SYT1: variants seen among roughly 807,000 people sequenced by gnomAD.
SYT1 encodes synaptotagmin-1.
A neutral mutation model predicts 44.8 loss-of-function variants in SYT1; 8 were observed. That is an observed-to-expected ratio of 0.18 (90% CI 0.10 to 0.32). SYT1 has a LOEUF of 0.32. Among genes scored for constraint, SYT1 ranks in the 10% least tolerant of loss-of-function variants. SYT1 has a pLI of 1.00. For missense variants in SYT1, 286 were observed against 509.3 expected (o/e 0.56, Z 4.22); for synonymous variants, 154 against 188.8 (o/e 0.82, Z 1.51).
At chr12:79,245,652 C>A (rs1876808235) in intron 4 of SYT1, among the ~76,000 whole-genome samples, 1 of 151,820 alleles carries the variant, frequency 6.6e-6, no homozygotes, top group Non-Finnish European at 1.5e-5. Context: ...AATTCTGAGA[C>A]CAAAGCAAGC....
chr12:79,215,474 T>C (rs928148197), intron 3 of SYT1, among the ~76,000 whole-genome samples: 1 of 152,182 alleles, frequency 6.6e-6, no homozygotes, highest in Non-Finnish European at 1.5e-5. Context: ...TGAGCCGATA[T>C]CTGTCCAATT....
intron 1 of SYT1, among the ~76,000 whole-genome samples, chr12:78,925,621 CCATCCTCCCTTTCTT>C (rs1877261026): frequency 6.6e-6 from 1 of 151,814 alleles, no homozygotes; most frequent in Non-Finnish European, 1.5e-5. Flanking sequence ...AGGTGTAAGT[CCATCCTCCCTTTCTT>C]CATAGAGCAG....
chr12:79,255,798 G>T (rs979718078), intron 4 of SYT1, among the ~76,000 whole-genome samples: 1 of 152,130 alleles, frequency 6.6e-6, no homozygotes, highest in African/African-American at 2.4e-5. Flanking sequence ...AGAGAGTTTT[G>T]GGTCTACTGA....
chr12:79,131,117 C>CTT (rs1340604236), intron 3 of SYT1, among the ~76,000 whole-genome samples: 1 of 138,792 alleles, frequency 7.2e-6, no homozygotes. Flanking sequence ...TGTGTGTTTT[C>CTT]TTTTTTTTTT....
chr12:79,052,580 T>C (rs996419061), intron 3 of SYT1, among the ~76,000 whole-genome samples: 5 of 152,072 alleles, frequency 3.3e-5, no homozygotes, highest in Admixed American at 1.3e-4. Flanking sequence ...GCCTACAGAA[T>C]GGGAGAAAAT....
intron 9 of SYT1, among the ~76,000 whole-genome samples, chr12:79,373,059 A>G (rs1297844660): frequency 6.6e-6 from 1 of 152,240 alleles, no homozygotes; most frequent in Non-Finnish European, 1.5e-5. Flanking sequence ...TCATCCAAAA[A>G]TGTAGACTCT....
At chr12:79,173,156 AC>A (rs1190692029) in intron 3 of SYT1, among the ~76,000 whole-genome samples, 1 of 151,936 alleles carries the variant, frequency 6.6e-6, no homozygotes, top group Non-Finnish European at 1.5e-5. Context: ...TCAAGCTGCT[AC>A]AGATCAGGAT....
chr12:79,254,771 G>A (rs1174987931), intron 4 of SYT1, among the ~76,000 whole-genome samples: 1 of 152,210 alleles, frequency 6.6e-6, no homozygotes, highest in Non-Finnish European at 1.5e-5. Flanking sequence ...CCTTATGGAT[G>A]ACTTTGAGAG....
chr12:79,199,961 G>A (rs1333998525), intron 3 of SYT1, among the ~76,000 whole-genome samples: 1 of 152,034 alleles, frequency 6.6e-6, no homozygotes, highest in Non-Finnish European at 1.5e-5. Context: ...GAGGAACTTT[G>A]TTTAAGAAAA....
chr12:78,931,465 AAAAG>A (rs201906823), intron 1 of SYT1, among the ~76,000 whole-genome samples: 36 of 144,330 alleles, frequency 2.5e-4, no homozygotes, highest in South Asian at 9.3e-4. Flanking sequence ...GAAAGAAAGA[AAAAG>A]AAAGAAAGAA....
intron 8 of SYT1, among the ~76,000 whole-genome samples, chr12:79,303,644 C>A (rs1486565801): frequency 6.6e-6 from 1 of 151,998 alleles, no homozygotes; most frequent in Non-Finnish European, 1.5e-5. Flanking sequence ...GGAAGAGAAA[C>A]TACTTTAATG....
At chr12:78,934,870 A>T (rs943952296) in intron 1 of SYT1, among the ~76,000 whole-genome samples, 11 of 152,166 alleles carry the variant, frequency 7.2e-5, no homozygotes, top group Admixed American at 3.3e-4. Context: ...GGTAGATGAA[A>T]TCTTGAATTT....
In SYT1 at chr12:79,366,097, C is replaced by CAATTT. The variant is rs560562180; in HGVS notation, c.928+12478_928+12479insAATTT. Among the ~76,000 whole-genome samples the CAATTT allele has an allele frequency of 5.6e-3, 859 of 152,238 alleles. 3 individuals are homozygous for CAATTT. Among genetic ancestry groups the CAATTT allele is most frequent in the African/African-American group, 0.019 (774 of 41,526 alleles). On this transcript the variant is annotated intron_variant, in intron 9 of 10. Coordinates refer to ENST00000261205, the MANE Select transcript of SYT1 (RefSeq NM_005639.3). ...CTACTTTTACTAAAAGTTGCCAATTCGTGTATCTAGAAAACACTCCTGCAT... is the reference window on the plus strand; with the variant it reads ...CTACTTTTACTAAAAGTTGCCAATTCAATTTGTGTATCTAGAAAACACTCCTGCAT...
At chr12:78,931,179 A>AAAAAAAG (rs1877622317) in intron 1 of SYT1, among the ~76,000 whole-genome samples, 1 of 59,844 alleles carries the variant, frequency 1.7e-5, no homozygotes, top group African/African-American at 7.8e-5. Context: ...GAAAGAAAGA[A>AAAAAAAG]AAAGAAAGAA....
chr12:79,161,779 C>A (rs928594423), intron 3 of SYT1, among the ~76,000 whole-genome samples: 1 of 152,058 alleles, frequency 6.6e-6, no homozygotes, highest in Non-Finnish European at 1.5e-5. Flanking sequence ...TCATACTGCA[C>A]CCAGCCTACA....
chr12:79,260,424 G>C (rs1877766155), intron 4 of SYT1, among the ~76,000 whole-genome samples: 1 of 152,198 alleles, frequency 6.6e-6, no homozygotes, highest in Admixed American at 6.5e-5. Context: ...AATTGCTGTA[G>C]TAACAAGTAT....
rs555668228 is a variant in SYT1 at position 78,868,341 on chromosome 12, T to A, written c.-217+3232T>A. ...GTGTAATGTAGGTATGCGTCTTGCA[T>A]GCATTCTGCAGAAAATATAATATTT... On this transcript the variant is annotated intron_variant, in intron 1 of 10. Coordinates refer to ENST00000261205, the MANE Select transcript of SYT1 (RefSeq NM_005639.3). Among the ~76,000 whole-genome samples, 14 of 152,028 alleles carry A rather than the reference T, an allele frequency of 9.2e-5. 1 individual carries two copies. In the South Asian group the frequency reaches 2.9e-3, roughly 31 times the overall value.
At position 79,409,703 on chromosome 12, in the gene SYT1, T is replaced by C. The variant is rs556872627; in HGVS notation, c.929-34370T>C. Among the ~76,000 whole-genome samples, 9 of 152,232 alleles carry C rather than the reference T, an allele frequency of 5.9e-5. No individual in the cohort carries two copies. The South Asian group carries it at 1.9e-3, about 32-fold the overall frequency. On this transcript the variant is annotated intron_variant, in intron 9 of 10. Coordinates refer to ENST00000261205, the MANE Select transcript of SYT1 (RefSeq NM_005639.3). ...TCTGCACTCATTTGGCTTGAAGGCA[T>C]AGACATTCCCTGTTGATTATCTCGG...
intron 3 of SYT1, among the ~76,000 whole-genome samples, chr12:79,097,306 C>T (rs1344084764): frequency 1.3e-5 from 2 of 151,976 alleles, no homozygotes; most frequent in Non-Finnish European, 1.5e-5. Flanking sequence ...CCTGAATAGG[C>T]CTAGTCCGTC....
Sources: gnomAD v4.1 joint callset for allele counts (sites outside exome capture counted in the v4.1 genomes callset) on GRCh38, gnomAD v4.1.1 for gene constraint, MANE v1.5 for transcripts, NCBI Gene and HGNC (gene_info 2026-07-23, HGNC 2026-07-21) for gene names.